DNM2: variants seen among roughly 807,000 people sequenced by gnomAD.
DNM2 encodes dynamin-2.
A neutral mutation model predicts 99.0 loss-of-function variants in DNM2; 15 were observed. The ratio of observed to expected loss-of-function variants is 0.15; its 90% CI spans 0.10 to 0.23. DNM2 has a LOEUF of 0.23. Among genes scored for constraint, DNM2 ranks in the 10% least tolerant of loss-of-function variants. The probability of loss-of-function intolerance (pLI) is 1.00; values close to 1 mark genes in which losing one functional copy is unlikely to be tolerated. For synonymous variants in DNM2, 525 were observed against 481.2 expected, an observed-to-expected ratio of 1.09 and a Z score of -1.19; for missense variants, 742 against 1,189.4, an observed-to-expected ratio of 0.62 and a Z score of 5.53.
At position 10,812,690 on chromosome 19, in the gene DNM2, G is replaced by C. The variant is rs942089728; in HGVS notation, c.1671+313G>C. On this transcript the variant is annotated intron_variant, in intron 15 of 20. Transcript: ENST00000389253. The surrounding 1 kb of genome is among the most constrained non-coding windows in gnomAD (Gnocchi z 4.0). ...TAATCCCAGCTACTCAGGAGGCTGA[G>C]GCAGGAGAATCGTTTGAACCCGGGA... 1.3e-5 allele frequency among the ~76,000 whole-genome samples: 2 copies of C among 152,222 alleles called. No individual in the cohort carries two copies. Among genetic ancestry groups the C allele is most frequent in the African/African-American group, 4.8e-5 (2 of 41,448 alleles).
In DNM2 at chr19:10,795,515, A is replaced by C; in HGVS notation, c.1196+76A>C. ...CCCCCCAGCTAATTGGGTCACCCAC[A>C]CCTCTGAGTCCCTAATCGTTAGGCC... On this transcript the variant is annotated intron_variant, in intron 9 of 20. Coordinates refer to ENST00000389253, the MANE Select transcript of DNM2 (RefSeq NM_001005361.3). This position sits in a 1 kb window ranked among gnomAD's most constrained non-coding sequence, Gnocchi z 4.2. 1.3e-6 allele frequency: 2 copies of C among 1,532,538 alleles called. No individual in the cohort carries two copies. Among genetic ancestry groups the C allele is most frequent in the South Asian group, 2.2e-5 (2 of 89,416 alleles). 94.9% of individuals were successfully genotyped at this position (1,532,538 alleles called of 1,614,324 possible).
chr19:10,750,261 A>C (rs1239776008), intron 1 of DNM2, among the ~76,000 whole-genome samples: 1 of 152,058 alleles, frequency 6.6e-6, no homozygotes, highest in African/African-American at 2.4e-5. Context: ...GGAAGATTGC[A>C]TGAGGCCAGA....
chr19:10,831,320 C>G lies in DNM2; in HGVS notation c.*273C>G. On this transcript the variant is annotated 3_prime_UTR_variant, in exon 21 of 21. Transcript: ENST00000389253. The surrounding 1 kb of genome is among the most constrained non-coding windows in gnomAD (Gnocchi z 4.3). ...AGGGTGGCAGAGGGGGGACCAGAACCCTTGACACCATCCTGAATGAGGGGT... is the reference window on the plus strand; with the variant it reads ...AGGGTGGCAGAGGGGGGACCAGAACGCTTGACACCATCCTGAATGAGGGGT... The G allele has an allele frequency of 8.0e-7, 1 of 1,242,706 alleles. No individual in the cohort carries two copies. The highest frequency in any genetic ancestry group is 1.0e-6 in the Non-Finnish European group (1 of 991,738). The allele number at this position is 1,242,706 out of a possible 1,614,324, so 77.0% of individuals were successfully genotyped here.
chr19:10,729,052 C>A (rs1181399872), intron 1 of DNM2, among the ~76,000 whole-genome samples: 1 of 146,688 alleles, frequency 6.8e-6, no homozygotes, highest in Non-Finnish European at 1.5e-5. Context: ...GAAACCCCAT[C>A]TCTACTAAAA....
chr19:10,786,602 A>T lies in DNM2; in HGVS notation c.888A>T (p.Leu296=). Residue 296 remains leucine (L), a synonymous_variant, in exon 7 of 21, where the codon CTA becomes CTT. Transcript: ENST00000389253. ...TNHIRESLPA[L]RSKLQSQLLS... The stretch of plus-strand genomic sequence containing the variant: ...ACATCCGGGAGTCGCTGCCGGCCCT[A>T]CGTAGCAAACTACAGAGCCAGCTGC... 6.2e-7 allele frequency: 1 copy of T among 1,614,150 alleles called. No individual in the cohort carries two copies. The highest frequency in any genetic ancestry group is 8.5e-7 in the Non-Finnish European group (1 of 1,180,028).
chr19:10,752,172 G>T (rs1356931013), intron 1 of DNM2, among the ~76,000 whole-genome samples: 6 of 152,210 alleles, frequency 3.9e-5, no homozygotes, highest in African/African-American at 1.4e-4. Flanking sequence ...TACTGGTAAC[G>T]CCTGGTACTG....
rs1282953004 is a variant in DNM2, at chr19:10,746,737, T to TG, written c.162-13001_162-13000insG. On this transcript the variant is annotated intron_variant, in intron 1 of 20. Transcript: ENST00000389253. Reference sequence around the variant, plus strand: ...GCCGGCTTTTTTTTTGTTTTTTGTTTTTTTTTTTTTTGAGACAGTCTCACT... The same window carrying TG: ...GCCGGCTTTTTTTTTGTTTTTTGTTTGTTTTTTTTTTTGAGACAGTCTCACT... Among the ~76,000 whole-genome samples, 60 of 138,346 alleles carry TG rather than the reference T, an allele frequency of 4.3e-4. 2 individuals are homozygous for TG. The highest frequency in any genetic ancestry group is 1.9e-3 in the Admixed American group (26 of 13,432). The allele number at this position is 138,346 out of a possible 152,430, so 90.8% of individuals were successfully genotyped here.
rs5827115 is a variant in DNM2, at chr19:10,781,018, TAA to T, written c.689-1920_689-1919del. 2.5e-3 allele frequency among the ~76,000 whole-genome samples: 288 copies of T among 114,434 alleles called. 1 individual carries two copies. Among genetic ancestry groups the T allele is most frequent in the African/African-American group, 3.2e-3 (93 of 29,222 alleles). 75.1% of individuals were successfully genotyped at this position (114,434 alleles called of 152,430 possible). On this transcript the variant is annotated intron_variant, in intron 5 of 20. Coordinates refer to ENST00000389253, the MANE Select transcript of DNM2 (RefSeq NM_001005361.3). ...GGGTGACAGAGTGAGACTCTGTCTT[TAA>T]AAAAAAAAAAAAAAAAAAAAATCCG... is the stretch of plus-strand genomic sequence containing the variant.
At chr19:10,827,458 A>G (rs759248695) in intron 18 of DNM2, among the ~76,000 whole-genome samples, 1 of 152,120 alleles carries the variant, frequency 6.6e-6, no homozygotes, top group Non-Finnish European at 1.5e-5. Flanking sequence ...CGGCCCAGCT[A>G]CTCGGGAAGC....
chr19:10,730,648 G>T (rs2069281177), intron 1 of DNM2, among the ~76,000 whole-genome samples: 1 of 152,060 alleles, frequency 6.6e-6, no homozygotes, highest in East Asian at 1.9e-4. Flanking sequence ...GTGGAGATTT[G>T]CTCCATCTAT....
intron 1 of DNM2, among the ~76,000 whole-genome samples, chr19:10,722,454 C>T (rs1387616175): frequency 1.3e-5 from 2 of 152,148 alleles, no homozygotes; most frequent in African/African-American, 2.4e-5. Flanking sequence ...TAGGCATTCC[C>T]GCACCCTAGC....
At chr19:10,745,142 GA>G (rs1294768499) in intron 1 of DNM2, among the ~76,000 whole-genome samples, 1 of 151,894 alleles carries the variant, frequency 6.6e-6, no homozygotes, top group Non-Finnish European at 1.5e-5. Flanking sequence ...GGGATGTGCG[GA>G]AAAAAAACCC....
Position 10,765,013 on chromosome 19 carries a change from A to G in DNM2, c.235+5202A>G, listed in dbSNP as rs189181633. On this transcript the variant is annotated intron_variant, in intron 2 of 20. Coordinates refer to ENST00000389253, the MANE Select transcript of DNM2 (RefSeq NM_001005361.3). The surrounding 1 kb of genome is among the most constrained non-coding windows in gnomAD (Gnocchi z 4.4). ...CTCGCTGTCGCCCAGGCTGGAGTGCAGTGGCGCCATCTCAGCTCACTGCAA... is the reference window on the plus strand; with the variant it reads ...CTCGCTGTCGCCCAGGCTGGAGTGCGGTGGCGCCATCTCAGCTCACTGCAA... Among the ~76,000 whole-genome samples the G allele has an allele frequency of 1.4e-5, 2 of 145,268 alleles. No homozygotes were observed. The highest frequency in any genetic ancestry group is 1.4e-4 in the Admixed American group (2 of 14,184).
At chr19:10,734,865 C>T (rs1168583402) in intron 1 of DNM2, among the ~76,000 whole-genome samples, 1 of 149,534 alleles carries the variant, frequency 6.7e-6, no homozygotes, top group Non-Finnish European at 1.5e-5. Context: ...AAGCCTTTTT[C>T]TGGTCTGGGA....
At chr19:10,813,825 CAAAA>C (rs371141451) in intron 15 of DNM2, among the ~76,000 whole-genome samples, 4 of 115,032 alleles carry the variant, frequency 3.5e-5, no homozygotes, top group Admixed American at 9.4e-5. Flanking sequence ...GACACTGTCT[CAAAA>C]AAAAAAAAAA....
intron 2 of DNM2, among the ~76,000 whole-genome samples, chr19:10,769,789 T>C (rs986689455): frequency 5.3e-5 from 8 of 152,234 alleles, no homozygotes; most frequent in Admixed American, 5.2e-4. Flanking sequence ...CTCCAGCAGA[T>C]GTCCTCATTG....
At position 10,783,133 on chromosome 19, in the gene DNM2, T is replaced by C. The variant is rs2071433704; in HGVS notation, c.849+13T>C. On this transcript the variant is annotated intron_variant, in intron 6 of 20. Transcript: ENST00000389253. The stretch of plus-strand genomic sequence containing the variant: ...GACGCTGAATCAGGTACTGCAAGGG[T>C]TTGCACGTAGTGTGCAGTGGCATAG... The C allele has an allele frequency of 6.2e-7, 1 of 1,608,352 alleles. No individual in the cohort carries two copies. The highest frequency in any genetic ancestry group is 8.5e-7 in the Non-Finnish European group (1 of 1,179,968).
chr19:10,721,549 T>TG (rs963692814), intron 1 of DNM2, among the ~76,000 whole-genome samples: 18 of 151,952 alleles, frequency 1.2e-4, no homozygotes, highest in East Asian at 9.6e-4. Flanking sequence ...TACTTTTTTT[T>TG]GGGGGGGTGT....
chr19:10,795,630 G>A lies in DNM2; in HGVS notation c.1196+191G>A. The A allele has an allele frequency of 1.5e-6, 1 of 650,736 alleles. No individual in the cohort carries two copies. The highest frequency in any genetic ancestry group is 2.7e-6 in the Non-Finnish European group (1 of 367,142). The allele number at this position is 650,736 out of a possible 1,614,324, so 40.3% of individuals were successfully genotyped here. A position where few individuals can be genotyped will look rare whatever the true frequency, so the allele number is the denominator to read the frequency against. ...ATGAGGGTGGATGTGTCTTAGTCCT[G>A]CGTCCATTGCAGGCTTCAGGGCTGT... On this transcript the variant is annotated intron_variant, in intron 9 of 20. Coordinates refer to ENST00000389253, the MANE Select transcript of DNM2 (RefSeq NM_001005361.3). The surrounding 1 kb of genome is among the most constrained non-coding windows in gnomAD (Gnocchi z 4.2).
Sources: allele counts gnomAD v4.1 joint callset (sites outside exome capture counted in the v4.1 genomes callset), GRCh38; gene constraint gnomAD v4.1.1; non-coding constraint Gnocchi (gnomAD v3.1); transcripts MANE v1.5; gene names NCBI Gene and HGNC (gene_info 2026-07-23, HGNC 2026-07-21).